MEIS2: variants seen among roughly 807,000 people sequenced by gnomAD.
MEIS2 encodes Meis homeobox 2.
MEIS2 carries 9 observed loss-of-function variants against 58.6 expected under a neutral mutation model. The observed-to-expected ratio is 0.15, with a 90% CI of 0.09 to 0.27. MEIS2 has a LOEUF of 0.27. MEIS2 is among the 10% of genes least tolerant of loss of function. The pLI is 1.00. For missense variants in MEIS2, 427 were observed against 635.0 expected (o/e 0.67, Z 3.52); for synonymous variants, 221 against 228.4 (o/e 0.97, Z 0.29).
intron 8 of MEIS2, among the ~76,000 whole-genome samples, chr15:36,982,375 G>T (rs2059956077): frequency 6.6e-6 from 1 of 152,050 alleles, no homozygotes; most frequent in Non-Finnish European, 1.5e-5. Context: ...AACTCTTTTA[G>T]TATCCACATA....
intron 7 of MEIS2, among the ~76,000 whole-genome samples, chr15:37,057,971 C>T (rs1272116307): frequency 6.6e-6 from 1 of 152,208 alleles, no homozygotes; most frequent in Non-Finnish European, 1.5e-5. Context: ...GAATCACCAA[C>T]ATGGTGCTTC....
intron 8 of MEIS2, among the ~76,000 whole-genome samples, chr15:36,963,941 T>C (rs2059274725): frequency 6.6e-6 from 1 of 152,236 alleles, no homozygotes; most frequent in Admixed American, 6.5e-5. Context: ...GACATTACTT[T>C]CTTTTGGACA....
chr15:37,001,504 T>C (rs1414733879), intron 8 of MEIS2, among the ~76,000 whole-genome samples: 1 of 152,150 alleles, frequency 6.6e-6, no homozygotes, highest in Non-Finnish European at 1.5e-5. Context: ...CCCAAAACCC[T>C]AGCAGTATGT....
chr15:36,995,830 G>A (rs2060473312), intron 8 of MEIS2, among the ~76,000 whole-genome samples: 1 of 146,174 alleles, frequency 6.8e-6, no homozygotes, highest in Admixed American at 6.9e-5. Context: ...AACTATTGCG[G>A]TAAGTGAGCA....
intron 8 of MEIS2, among the ~76,000 whole-genome samples, chr15:37,014,917 G>A (rs1286449134): frequency 6.6e-6 from 1 of 151,724 alleles, no homozygotes; most frequent in Non-Finnish European, 1.5e-5. Context: ...TGGGATAAAA[G>A]GAAACACAAC....
chr15:37,094,386 G>C (rs1464217601), intron 5 of MEIS2, 141 bp downstream of exon 5: 1 of 754,718 alleles, frequency 1.3e-6, no homozygotes, highest in African/African-American at 1.8e-5. Context: ...GTTGAGAAGC[G>C]AGTTGAAGGA....
rs149558558 is a variant in MEIS2, at chr15:36,935,076, G to A, written c.977+15248C>T. 1.3e-4 allele frequency among the ~76,000 whole-genome samples: 20 copies of A among 152,184 alleles called. No homozygotes were observed. In the East Asian group the frequency reaches 3.9e-3, roughly 29 times the overall value. Reference sequence around the variant, plus strand: ...TCTTCATAATTGGTTAGAGTCCAAGGTCACAGATTCAGTATGGTAGTGGGA... The same window carrying A: ...TCTTCATAATTGGTTAGAGTCCAAGATCACAGATTCAGTATGGTAGTGGGA... On this transcript the variant is annotated intron_variant, in intron 9 of 11. Transcript: ENST00000561208.
chr15:37,036,894 T>G lies in MEIS2; in HGVS notation c.820A>C (p.Lys274Gln). The change falls in exon 8 of 12, where the codon AAA (lysine) becomes CAA (glutamine). Residue 274 changes from lysine to glutamine, a missense_variant. Coordinates refer to ENST00000561208, the MANE Select transcript of MEIS2 (RefSeq NM_170675.5). ...TGDDDDPDKD[K>Q]KRQKKRGIFP... ...ATGCCTCTTTTCTTCTGGCGTTTTT[T>G]GTCCTTATCCGGATCATCATCGTCA... is the stretch of plus-strand genomic sequence containing the variant. The G allele has an allele frequency of 6.2e-7, 1 of 1,614,138 alleles. No homozygotes were observed. The highest frequency in any genetic ancestry group is 8.5e-7 in the Non-Finnish European group (1 of 1,180,006).
chr15:37,093,756 T>C (rs556693122), intron 5 of MEIS2, 26 bp from the exon 6 acceptor site: 1 of 1,610,340 alleles, frequency 6.2e-7, no homozygotes, highest in Non-Finnish European at 8.5e-7. Flanking sequence ...TGGTGGAGGG[T>C]TTAGCTCATG....
intron 8 of MEIS2, among the ~76,000 whole-genome samples, chr15:37,028,663 C>G (rs531139634): frequency 1.6e-4 from 25 of 152,330 alleles, no homozygotes; most frequent in Admixed American, 5.9e-4. Context: ...GCAGAAGCTA[C>G]AGTATGCAGG....
intron 9 of MEIS2, among the ~76,000 whole-genome samples, chr15:36,919,963 A>G (rs1230733853): frequency 6.6e-6 from 1 of 152,190 alleles, no homozygotes; most frequent in East Asian, 1.9e-4. Flanking sequence ...CGTAAGAACA[A>G]CATACCCTTC....
chr15:37,070,793 G>C (rs940711439), intron 7 of MEIS2, among the ~76,000 whole-genome samples: 1 of 152,000 alleles, frequency 6.6e-6, no homozygotes, highest in Non-Finnish European at 1.5e-5. Flanking sequence ...TTTCTAGAAT[G>C]GTGTCACATA....
At position 36,890,174 on chromosome 15, in the gene MEIS2, A is replaced by G. The variant is rs2055796110; in HGVS notation, c.*1999T>C. 1 of 152,204 alleles carries G rather than the reference A, an allele frequency of 6.6e-6. No individual in the cohort carries two copies. The highest frequency in any genetic ancestry group is 2.4e-5 in the African/African-American group (1 of 41,448). The allele number at this position is 152,204 out of a possible 1,614,324, so 9.4% of individuals were successfully genotyped here. On this transcript the variant is annotated 3_prime_UTR_variant, in exon 12 of 12. Coordinates refer to ENST00000561208, the MANE Select transcript of MEIS2 (RefSeq NM_170675.5). ...GACATCACATATCTAGCCAAAGTAT[A>G]TGACATTATTCTTTCTAAACAAAGA...
At chr15:37,013,246 CACAGAAGA>C (rs2061226371) in intron 8 of MEIS2, among the ~76,000 whole-genome samples, 1 of 152,008 alleles carries the variant, frequency 6.6e-6, no homozygotes, top group Non-Finnish European at 1.5e-5. Flanking sequence ...TTCTGAGGAA[CACAGAAGA>C]GCAGAAGAGA....
chr15:36,911,440 A>G (rs1309849858), intron 9 of MEIS2, among the ~76,000 whole-genome samples: 3 of 152,140 alleles, frequency 2.0e-5, no homozygotes, highest in South Asian at 4.1e-4. Flanking sequence ...AGACACATGC[A>G]TGTAGAAGGT....
At chr15:36,928,449 T>C (rs2057836339) in intron 9 of MEIS2, among the ~76,000 whole-genome samples, 2 of 152,142 alleles carry the variant, frequency 1.3e-5, no homozygotes, top group Non-Finnish European at 2.9e-5. Flanking sequence ...CAAGTTCAGG[T>C]CCAAACCGAT....
intron 8 of MEIS2, among the ~76,000 whole-genome samples, chr15:36,994,493 G>T (rs773862244): frequency 6.6e-6 from 1 of 152,046 alleles, no homozygotes; most frequent in Non-Finnish European, 1.5e-5. Context: ...GTCCAAATTG[G>T]TTTTAAATTA....
At chr15:37,015,097 C>T (rs947486552) in intron 8 of MEIS2, among the ~76,000 whole-genome samples, 18 of 152,364 alleles carry the variant, frequency 1.2e-4, no homozygotes, top group East Asian at 3.9e-4. Context: ...CAATATTTAG[C>T]GGAACGCTAT....
chr15:36,958,969 A>G (rs12595830), intron 8 of MEIS2, among the ~76,000 whole-genome samples: 18,193 of 152,240 alleles, frequency 0.12, 1,712 homozygotes, highest in East Asian at 0.33. Flanking sequence ...GTTGAAATAG[A>G]TTTCAAAACA....
Sources: gnomAD v4.1 joint callset for allele counts (sites outside exome capture counted in the v4.1 genomes callset) on GRCh38, gnomAD v4.1.1 for gene constraint, MANE v1.5 for transcripts, NCBI Gene and HGNC (gene_info 2026-07-23, HGNC 2026-07-21) for gene names.